VPS13B: variants seen among roughly 807,000 people sequenced by gnomAD.
VPS13B encodes the protein vacuolar protein sorting 13 homolog B.
In VPS13B, 285 loss-of-function variants were observed where a neutral mutation model predicts 426.4. That is an observed-to-expected ratio of 0.67 (90% CI 0.61 to 0.74). The LOEUF (loss-of-function observed/expected upper bound fraction) is 0.74. Among genes scored for constraint, VPS13B ranks in the 30% least tolerant of loss-of-function variants. VPS13B has a pLI of 0.00. For synonymous variants in VPS13B, 1,676 were observed against 1,676.4 expected (o/e 1.00, Z 0.01); for missense variants, 4,537 against 4,782.6 (o/e 0.95, Z 1.51).
chr8:99,606,735 T>C (rs1827612756), intron 33 of VPS13B, among the ~76,000 whole-genome samples: 1 of 151,494 alleles, frequency 6.6e-6, no homozygotes, highest in South Asian at 2.1e-4. Context: ...TTCAAGCGAT[T>C]CTCCTGCCTC....
chr8:99,297,006 TTA>T (rs112165288), intron 19 of VPS13B, among the ~76,000 whole-genome samples: 31 of 150,518 alleles, frequency 2.1e-4, no homozygotes, highest in East Asian at 1.4e-3. Flanking sequence ...ATTTGTGTAT[TTA>T]TATATATATA....
At chr8:99,468,161 G>A (rs985833108) in intron 24 of VPS13B, among the ~76,000 whole-genome samples, 7 of 151,936 alleles carry the variant, frequency 4.6e-5, no homozygotes, top group Non-Finnish European at 7.4e-5. Context: ...CCCAGCCCAC[G>A]ACAGGCCTGA....
chr8:99,483,970 A>G (rs1333591182), intron 25 of VPS13B, among the ~76,000 whole-genome samples: 1 of 152,156 alleles, frequency 6.6e-6, no homozygotes, highest in Non-Finnish European at 1.5e-5. Context: ...AAAATAAAAT[A>G]AAAACATGCC....
intron 17 of VPS13B, among the ~76,000 whole-genome samples, chr8:99,248,175 A>T (rs1817320104): frequency 6.6e-6 from 1 of 152,162 alleles, no homozygotes; most frequent in East Asian, 1.9e-4. Context: ...GATGTTTAAT[A>T]TTCTTTTGGT....
At chr8:99,382,195 T>C (rs1296304168) in intron 19 of VPS13B, among the ~76,000 whole-genome samples, 1 of 152,194 alleles carries the variant, frequency 6.6e-6, no homozygotes, top group East Asian at 1.9e-4. Context: ...GTGTCTGCTT[T>C]TGTAAAGGTG....
rs373180849 is a variant in VPS13B, at chr8:99,740,379, A to G, written c.7050+19332A>G. Among the ~76,000 whole-genome samples, 19 of 152,370 alleles carry G rather than the reference A, an allele frequency of 1.2e-4. No homozygotes were observed. The South Asian group carries it at 3.9e-3, about 32-fold the overall frequency. ...ACCTAAAAGTGACGGGGAGAATGGA[A>G]CCAAGTTGGAAAACACCCTGCAGGA... On this transcript the variant is annotated intron_variant, in intron 39 of 61. Coordinates refer to ENST00000357162, the MANE Select transcript of VPS13B (RefSeq NM_152564.5).
intron 39 of VPS13B, among the ~76,000 whole-genome samples, chr8:99,728,284 C>A (rs537935238): frequency 7.2e-5 from 11 of 152,070 alleles, no homozygotes; most frequent in Non-Finnish European, 1.2e-4. Flanking sequence ...TCATTAAATG[C>A]CCCTCCCAGC....
chr8:99,212,472 C>T (rs886253938), intron 17 of VPS13B, among the ~76,000 whole-genome samples: 3 of 152,124 alleles, frequency 2.0e-5, no homozygotes, highest in African/African-American at 7.2e-5. Context: ...GCAACTGTTG[C>T]AATCATTGTG....
intron 56 of VPS13B, among the ~76,000 whole-genome samples, chr8:99,858,567 C>T (rs187496478): frequency 1.8e-3 from 269 of 152,300 alleles, no homozygotes; most frequent in Middle Eastern, 0.01. Flanking sequence ...TGCCTGTAAT[C>T]TCAGCTGCTT....
At chr8:99,186,011 A>G (rs1813200764) in intron 16 of VPS13B, among the ~76,000 whole-genome samples, 1 of 152,126 alleles carries the variant, frequency 6.6e-6, no homozygotes, top group Non-Finnish European at 1.5e-5. Flanking sequence ...GTCCAAGTTG[A>G]GTTTTAATGA....
At chr8:99,211,224 G>T (rs995549350) in intron 17 of VPS13B, among the ~76,000 whole-genome samples, 1 of 152,184 alleles carries the variant, frequency 6.6e-6, no homozygotes, top group Non-Finnish European at 1.5e-5. Flanking sequence ...ACAAGGTAAG[G>T]GAGGCTTCTG....
intron 3 of VPS13B, among the ~76,000 whole-genome samples, chr8:99,040,291 G>A (rs1410412710): frequency 1.3e-5 from 2 of 152,154 alleles, no homozygotes; most frequent in African/African-American, 2.4e-5. Flanking sequence ...GGCTACTGCA[G>A]GAATGATCAG....
chr8:99,830,307 G>C (rs887396867), intron 51 of VPS13B, among the ~76,000 whole-genome samples: 5 of 152,200 alleles, frequency 3.3e-5, no homozygotes, highest in Admixed American at 3.3e-4. Context: ...TCAGAGAGGA[G>C]GAATCTAGAG....
At chr8:99,217,081 C>G (rs1010396178) in intron 17 of VPS13B, among the ~76,000 whole-genome samples, 2 of 152,114 alleles carry the variant, frequency 1.3e-5, no homozygotes, top group African/African-American at 2.4e-5. Flanking sequence ...TCATTATTTT[C>G]TGTTTACTCA....
At chr8:99,237,673 A>T (rs1042197604) in intron 17 of VPS13B, among the ~76,000 whole-genome samples, 1 of 152,172 alleles carries the variant, frequency 6.6e-6, no homozygotes, top group Non-Finnish European at 1.5e-5. Flanking sequence ...AAAAGACTAC[A>T]CATTGGGTAT....
At chr8:99,746,793 TC>T (rs1452417942) in intron 39 of VPS13B, among the ~76,000 whole-genome samples, 1 of 152,106 alleles carries the variant, frequency 6.6e-6, no homozygotes, top group Non-Finnish European at 1.5e-5. Flanking sequence ...ATCAACAACA[TC>T]TGTAGCATTT....
intron 19 of VPS13B, among the ~76,000 whole-genome samples, chr8:99,284,720 T>TTG (rs756599409): frequency 2.4e-3 from 127 of 53,706 alleles, no homozygotes; most frequent in African/African-American, 7.6e-3. Context: ...CTGGCTAAAT[T>TTG]TGTGTGTGTG....
chr8:99,422,984 C>T (rs1816457889), intron 21 of VPS13B, among the ~76,000 whole-genome samples: 1 of 152,162 alleles, frequency 6.6e-6, no homozygotes. Flanking sequence ...TGCCTTTAGT[C>T]ATACCTGTAA....
chr8:99,810,531 G>A (rs1205179653), intron 44 of VPS13B, among the ~76,000 whole-genome samples: 2 of 152,178 alleles, frequency 1.3e-5, no homozygotes, highest in Non-Finnish European at 2.9e-5. Flanking sequence ...AGCTGGACTT[G>A]GTGATCTTAT....
Sources: allele counts gnomAD v4.1 joint callset (sites outside exome capture counted in the v4.1 genomes callset), GRCh38; gene constraint gnomAD v4.1.1; transcripts MANE v1.5; gene names NCBI Gene and HGNC (gene_info 2026-07-23, HGNC 2026-07-21).